LGMN: variants seen among roughly 807,000 people sequenced by gnomAD.
LGMN encodes the protein asparaginyl endopeptidase.
LGMN carries 36 observed loss-of-function variants against 56.8 expected under a neutral mutation model. The observed-to-expected ratio is 0.63, with a 90% CI of 0.49 to 0.84. LGMN has a LOEUF of 0.84. Ranked by LOEUF, LGMN falls within the 40% of genes least tolerant of loss-of-function variation. The probability of loss-of-function intolerance (pLI) is 0.00; values close to 1 mark genes in which losing one functional copy is unlikely to be tolerated. For missense variants in LGMN, 446 were observed against 556.1 expected (o/e 0.80, Z 1.99); for synonymous variants, 199 against 210.1 (o/e 0.95, Z 0.46).
chr14:92,712,407 A>T (rs1889829564), intron 8 of LGMN, among the ~76,000 whole-genome samples: 1 of 152,228 alleles, frequency 6.6e-6, no homozygotes, highest in Non-Finnish European at 1.5e-5. Context: ...AGTGTTTAAA[A>T]TACAAGTCTC....
In LGMN at chr14:92,714,033, G is replaced by A. The variant is rs568531820; in HGVS notation, c.481-148C>T. 118 of 705,858 alleles carry A rather than the reference G, an allele frequency of 1.7e-4. No individual in the cohort carries two copies. The highest frequency in any genetic ancestry group is 1.6e-3 in the African/African-American group (90 of 56,222). 43.7% of individuals were successfully genotyped at this position (705,858 alleles called of 1,614,324 possible). ...GTGAAGAACATAACCCCAGAATGTC[G>A]TCACATGTTTTATGCACGCATTTAA... On this transcript the variant is annotated intron_variant, in intron 6 of 13. Coordinates refer to ENST00000334869, the MANE Select transcript of LGMN (RefSeq NM_005606.7). The surrounding 1 kb of genome is among the most constrained non-coding windows in gnomAD (Gnocchi z 5.1).
chr14:92,726,045 T>C (rs1595549871), intron 2 of LGMN, among the ~76,000 whole-genome samples: 1 of 151,580 alleles, frequency 6.6e-6, no homozygotes, highest in South Asian at 2.1e-4. Flanking sequence ...GAGACCAGTC[T>C]GGCTAACATG....
At chr14:92,705,894 C>A (rs529558061) in intron 12 of LGMN, among the ~76,000 whole-genome samples, 61 of 152,174 alleles carry the variant, frequency 4.0e-4, no homozygotes, top group Non-Finnish European at 7.5e-4. Context: ...TCCCAACGTG[C>A]TGGGATTGCA....
intron 1 of LGMN, among the ~76,000 whole-genome samples, chr14:92,740,158 G>A (rs969229351): frequency 2.0e-5 from 3 of 152,228 alleles, no homozygotes; most frequent in Non-Finnish European, 4.4e-5. Context: ...TGAAGCATGA[G>A]AATCACTTGA....
chr14:92,734,764 G>A (rs531275232), intron 1 of LGMN, among the ~76,000 whole-genome samples: 11 of 152,208 alleles, frequency 7.2e-5, no homozygotes, highest in Admixed American at 1.3e-4. Context: ...CTGTGCCTCC[G>A]CGATAAGAAG....
At position 92,712,862 on chromosome 14, in the gene LGMN, A is replaced by T; in HGVS notation, c.553T>A (p.Tyr185Asn). 1 of 1,613,906 alleles carries T rather than the reference A, an allele frequency of 6.2e-7. No individual in the cohort carries two copies. Among genetic ancestry groups the T allele is most frequent in the Non-Finnish European group, 8.5e-7 (1 of 1,179,924 alleles). ...KHKMYRKMVF[Y>N]IEACESGSMM... is the part of the protein sequence containing the mutation. ...GACCCAGACTCACAGGCTTCAATGTAGAACACCATCTGTGAGGCAGACGGG... is the reference window on the plus strand; with the variant it reads ...GACCCAGACTCACAGGCTTCAATGTTGAACACCATCTGTGAGGCAGACGGG... Residue 185 changes from tyrosine (Y) to asparagine (N), a missense_variant, in exon 8 of 14, where the codon TAC (tyrosine) becomes AAC (asparagine). Tyr to Asn is a moderately radical substitution (Grantham distance 143). Transcript: ENST00000334869.
intron 1 of LGMN, among the ~76,000 whole-genome samples, chr14:92,737,454 C>T (rs1891357776): frequency 6.6e-6 from 1 of 152,184 alleles, no homozygotes; most frequent in South Asian, 2.1e-4. Flanking sequence ...GCCTGCTACT[C>T]CCTCCCACCT....
Position 92,714,257 on chromosome 14 carries a change from C to G in LGMN, c.480+119G>C, listed in dbSNP as rs1459175820. 1.4e-6 allele frequency: 1 copy of G among 695,746 alleles called. No individual in the cohort carries two copies. Among genetic ancestry groups the G allele is most frequent in the African/African-American group, 1.8e-5 (1 of 56,070 alleles). The allele number at this position is 695,746 out of a possible 1,614,324, so 43.1% of individuals were successfully genotyped here. A position where few individuals can be genotyped will look rare whatever the true frequency, so the allele number is the denominator to read the frequency against. ...AAACCTGTCCCCCACTCCCACCCAC[C>G]ACACGTACAAACCAACCCTGGCAGG... On this transcript the variant is annotated intron_variant, in intron 6 of 13. Coordinates refer to ENST00000334869, the MANE Select transcript of LGMN (RefSeq NM_005606.7). This position sits in a 1 kb window ranked among gnomAD's most constrained non-coding sequence, Gnocchi z 5.1.
chr14:92,703,937 A>T lies in LGMN; in HGVS notation c.*382T>A, dbSNP rs1164424947. 1.1e-5 allele frequency: 6 copies of T among 553,252 alleles called. No individual in the cohort carries two copies. In the South Asian group the frequency reaches 1.3e-4, roughly 12 times the overall value. 34.3% of individuals were successfully genotyped at this position (553,252 alleles called of 1,614,324 possible). A position where few individuals can be genotyped will look rare whatever the true frequency, so the allele number is the denominator to read the frequency against. On this transcript the variant is annotated 3_prime_UTR_variant, in exon 14 of 14. Transcript: ENST00000334869. Reference sequence around the variant, plus strand: ...TTTGGGGCTTGCGGCCCTCTTCAATAAAATCATTCTGAAGATTTAAAGAGG... The same window carrying T: ...TTTGGGGCTTGCGGCCCTCTTCAATTAAATCATTCTGAAGATTTAAAGAGG...
intron 2 of LGMN, among the ~76,000 whole-genome samples, chr14:92,719,194 G>A (rs1322881192): frequency 3.6e-4 from 19 of 52,690 alleles, no homozygotes; most frequent in Middle Eastern, 0.016. Flanking sequence ...CACCACCACC[G>A]CCACCAACAC....
chr14:92,719,357 ACAC>A lies in LGMN; in HGVS notation c.139-516_139-514del, dbSNP rs1179130962. Among the ~76,000 whole-genome samples, 69 of 45,690 alleles carry A rather than the reference ACAC, an allele frequency of 1.5e-3. 1 individual carries two copies. Among genetic ancestry groups the A allele is most frequent in the Middle Eastern group, 0.013 (1 of 78 alleles). The allele number at this position is 45,690 out of a possible 152,430, so 30.0% of individuals were successfully genotyped here. On this transcript the variant is annotated intron_variant, in intron 2 of 13. Transcript: ENST00000334869. ...ACCGCCATCACCGCCACCACCACCA[ACAC>A]CACCACCACCACCAACACCGCCACC...
chr14:92,742,989 C>T (rs1379382515), intron 1 of LGMN: 1 of 150,882 alleles, frequency 6.6e-6, no homozygotes, highest in East Asian at 2.0e-4. Context: ...AACCATCCGG[C>T]CTGGGTGAGA....
chr14:92,719,199 C>CACATATATAGGTAAG (rs1566923813), intron 2 of LGMN, among the ~76,000 whole-genome samples: 6 of 138,410 alleles, frequency 4.3e-5, no homozygotes, highest in African/African-American at 1.8e-4. Flanking sequence ...CCACCGCCAC[C>CACATATATAGGTAAG]AACACCACCA....
chr14:92,713,079 T>A (rs1889878389), intron 7 of LGMN, among the ~76,000 whole-genome samples: 1 of 152,142 alleles, frequency 6.6e-6, no homozygotes, highest in Admixed American at 6.5e-5. Context: ...AATAAAATCG[T>A]CTAGTAGCTG....
Position 92,735,804 on chromosome 14 carries a change from T to C in LGMN, c.-29-2989A>G, listed in dbSNP as rs143315092. Among the ~76,000 whole-genome samples, 966 of 139,152 alleles carry C rather than the reference T, an allele frequency of 6.9e-3. 4 individuals are homozygous for C. Among genetic ancestry groups the C allele is most frequent in the South Asian group, 0.011 (46 of 4,338 alleles). 91.3% of individuals were successfully genotyped at this position (139,152 alleles called of 152,430 possible). A position where few individuals can be genotyped will look rare whatever the true frequency, so the allele number is the denominator to read the frequency against. On this transcript the variant is annotated intron_variant, in intron 1 of 13. Transcript: ENST00000334869. The stretch of plus-strand genomic sequence containing the variant: ...TGCTCCCAGATTTGTTTTTTTCAGG[T>C]TTTTTTTTTTCTTGGAGTAGCGGCT...
At chr14:92,713,374 C>A (rs570326971) in intron 7 of LGMN, among the ~76,000 whole-genome samples, 1 of 152,224 alleles carries the variant, frequency 6.6e-6, no homozygotes, top group Admixed American at 6.5e-5. Flanking sequence ...GCCACCACAC[C>A]CAGCCAAAAA....
At chr14:92,709,510 G>A (rs1421248915) in intron 11 of LGMN, among the ~76,000 whole-genome samples, 162 bp downstream of exon 11, 5 of 152,146 alleles carry the variant, frequency 3.3e-5, no homozygotes, top group Non-Finnish European at 1.5e-5. Flanking sequence ...AGGCAACCAC[G>A]GCTCCGCCCA....
At chr14:92,729,756 G>C (rs1890953443) in intron 2 of LGMN, among the ~76,000 whole-genome samples, 1 of 152,176 alleles carries the variant, frequency 6.6e-6, no homozygotes, top group Non-Finnish European at 1.5e-5. Flanking sequence ...TTAATGATAA[G>C]CCTCCAAAGT....
chr14:92,708,675 G>C (rs139138721), intron 11 of LGMN, among the ~76,000 whole-genome samples: 15,158 of 151,726 alleles, frequency 0.1, 1,004 homozygotes, highest in East Asian at 0.24. Flanking sequence ...GACCAACATG[G>C]TGAAACCCCA....
Sources: allele counts gnomAD v4.1 joint callset (sites outside exome capture counted in the v4.1 genomes callset), GRCh38; gene constraint gnomAD v4.1.1; non-coding constraint Gnocchi (gnomAD v3.1); transcripts MANE v1.5; gene names NCBI Gene and HGNC (gene_info 2026-07-23, HGNC 2026-07-21).